The following RBM42 variants were observed in gnomAD, a reference collection of about 807,000 sequenced individuals.
RBM42 encodes RNA binding motif protein 42.
Under a neutral mutation model 41.4 loss-of-function variants are expected in RBM42, and 21 were observed. That is an observed-to-expected ratio of 0.51 (90% CI 0.36 to 0.73). The LOEUF (loss-of-function observed/expected upper bound fraction) is 0.73, where lower values mean the gene tolerates loss of function less well. Ranked by LOEUF, RBM42 falls within the 30% of genes least tolerant of loss-of-function variation. The pLI is 0.00. For synonymous variants in RBM42, 272 were observed against 271.2 expected (o/e 1.00, Z -0.03); for missense variants, 539 against 680.4 (o/e 0.79, Z 2.31).
chr19:35,633,597 C>G (rs1303487875), intron 6 of RBM42, 90 bp from the exon 7 acceptor site: 2 of 1,298,866 alleles, frequency 1.5e-6, no homozygotes, highest in Non-Finnish European at 2.0e-6. Flanking sequence ...TCTCTGGCCC[C>G]CAGGCCCTTT....
intron 6 of RBM42, 29 bp from the exon 7 acceptor site, chr19:35,633,658 C>A: frequency 7.1e-7 from 1 of 1,402,206 alleles, no homozygotes; most frequent in Non-Finnish European, 9.3e-7. Context: ...TGTGAGCCGG[C>A]CCCCCTCATG....
At chr19:35,634,719 C>T (rs955035591) in intron 8 of RBM42, among the ~76,000 whole-genome samples, 3 of 147,146 alleles carry the variant, frequency 2.0e-5, no homozygotes, top group Non-Finnish European at 4.5e-5. Flanking sequence ...AGTGCAGTGG[C>T]GCAATCTTGG....
At chr19:35,634,656 A>ATTTT (rs74276917) in intron 8 of RBM42, among the ~76,000 whole-genome samples, 5 of 139,886 alleles carry the variant, frequency 3.6e-5, no homozygotes, top group African/African-American at 1.1e-4. Flanking sequence ...TAGGATAAAA[A>ATTTT]TTTTTTTTTT....
In RBM42 at chr19:35,634,034, T is replaced by G. The variant is rs1324417179; in HGVS notation, c.1017+15T>G. ...TGGCTCTTGAGGTAAGCAGGGAGCC[T>G]AGCGGTGAAGGGACAGAAGGGACGG... On this transcript the variant is annotated intron_variant, in intron 7 of 9. Coordinates refer to ENST00000262633, the MANE Select transcript of RBM42 (RefSeq NM_024321.5). 1.3e-6 allele frequency: 2 copies of G among 1,483,670 alleles called. No homozygotes were observed. The highest frequency in any genetic ancestry group is 1.8e-6 in the Non-Finnish European group (2 of 1,121,166). The allele number at this position is 1,483,670 out of a possible 1,614,324, so 91.9% of individuals were successfully genotyped here.
Position 35,629,095 on chromosome 19 carries a change from G to A in RBM42, c.-59G>A. On this transcript the variant is annotated 5_prime_UTR_variant, in exon 1 of 10. Coordinates refer to ENST00000262633, the MANE Select transcript of RBM42 (RefSeq NM_024321.5). ...GGACGAAGGGGGAGAGTAGACAGCA[G>A]AACCAGCGGCGGCGGCTAAGCAGAG... is the stretch of plus-strand genomic sequence containing the variant. 1 of 1,479,998 alleles carries A rather than the reference G, an allele frequency of 6.8e-7. No individual in the cohort carries two copies. Among genetic ancestry groups the A allele is most frequent in the Non-Finnish European group, 8.9e-7 (1 of 1,119,082 alleles). The allele number at this position is 1,479,998 out of a possible 1,614,324, so 91.7% of individuals were successfully genotyped here.
chr19:35,632,646 A>G (rs1041486641), intron 4 of RBM42, among the ~76,000 whole-genome samples: 2 of 151,698 alleles, frequency 1.3e-5, no homozygotes, highest in Admixed American at 6.6e-5. Context: ...TTCTCTAGTG[A>G]TGTCTCCATT....
rs568542924 is a variant in RBM42 at position 35,632,255 on chromosome 19, A to G, written c.443-681A>G. 1.3e-3 allele frequency among the ~76,000 whole-genome samples: 195 copies of G among 152,100 alleles called. 2 individuals carry two copies. Among genetic ancestry groups the G allele is most frequent in the African/African-American group, 4.5e-3 (188 of 41,484 alleles). ...ACCTACTTCCCCTGCCCAGCTTCCA[A>G]CCCTGCTGTGGCTCCCCAGTGCCCT... On this transcript the variant is annotated intron_variant, in intron 4 of 9. Coordinates refer to ENST00000262633, the MANE Select transcript of RBM42 (RefSeq NM_024321.5).
At chr19:35,630,679 T>C (rs1967389856) in intron 2 of RBM42, among the ~76,000 whole-genome samples, 1 of 152,024 alleles carries the variant, frequency 6.6e-6, no homozygotes, top group Non-Finnish European at 1.5e-5. Flanking sequence ...GGCAGGAATA[T>C]CACTTGAACC....
intron 8 of RBM42, among the ~76,000 whole-genome samples, chr19:35,634,785 A>G (rs1967468270): frequency 6.6e-6 from 1 of 151,276 alleles, no homozygotes; most frequent in African/African-American, 2.4e-5. Flanking sequence ...CAGCCTCCCA[A>G]AGTGCTGGGA....
chr19:35,630,312 C>CAA (rs35545845), intron 2 of RBM42, among the ~76,000 whole-genome samples: 5 of 107,882 alleles, frequency 4.6e-5, no homozygotes, highest in Admixed American at 9.5e-5. Context: ...GACTCCGTCT[C>CAA]AAAAAAAAAA....
At position 35,637,165 on chromosome 19, in the gene RBM42, C is replaced by T. The variant is rs759587823; in HGVS notation, c.1143C>T (p.Phe381=). ...PSLLEWDADD[F]RIFCGDLGNE... Reference sequence around the variant, plus strand: ...TCTCTTCCCCATCCCCAGATGACTTCCGGATCTTCTGTGGGGATCTGGGCA... The same window carrying T: ...TCTCTTCCCCATCCCCAGATGACTTTCGGATCTTCTGTGGGGATCTGGGCA... Residue 381 remains phenylalanine, a synonymous_variant, in exon 9 of 10, where the codon TTC becomes TTT. Coordinates refer to ENST00000262633, the MANE Select transcript of RBM42 (RefSeq NM_024321.5). The surrounding 1 kb of genome is among the most constrained non-coding windows in gnomAD (Gnocchi z 7.0). 6.2e-7 allele frequency: 1 copy of T among 1,613,052 alleles called. No individual in the cohort carries two copies.
At chr19:35,632,434 T>C (rs1249285610) in intron 4 of RBM42, among the ~76,000 whole-genome samples, 2 of 152,246 alleles carry the variant, frequency 1.3e-5, no homozygotes, top group Non-Finnish European at 2.9e-5. Flanking sequence ...GGAAAGGTTT[T>C]GCTTATAAAT....
At chr19:35,632,446 T>C (rs1967422373) in intron 4 of RBM42, among the ~76,000 whole-genome samples, 3 of 152,214 alleles carry the variant, frequency 2.0e-5, no homozygotes, top group South Asian at 4.1e-4. Context: ...CTTATAAATA[T>C]TCTTCCTGCC....
At position 35,633,678 on chromosome 19, in the gene RBM42, T is replaced by G. The variant is rs2146351445; in HGVS notation, c.685-9T>G. ...GCCGGCCCCCCTCATGCTCTCCTCT[T>G]ACCCACAGGAAGAGCCAGCAGCACC... On this transcript the variant is annotated splice_polypyrimidine_tract_variant and intron_variant, in intron 6 of 9. Coordinates refer to ENST00000262633, the MANE Select transcript of RBM42 (RefSeq NM_024321.5). 2.8e-6 allele frequency: 4 copies of G among 1,441,314 alleles called. No individual in the cohort carries two copies. The highest frequency in any genetic ancestry group is 2.7e-5 in the East Asian group (1 of 37,462). 89.3% of individuals were successfully genotyped at this position (1,441,314 alleles called of 1,614,324 possible). A position where few individuals can be genotyped will look rare whatever the true frequency, so the allele number is the denominator to read the frequency against.
chr19:35,629,737 G>A (rs1967371921), intron 2 of RBM42, 64 bp downstream of exon 2: 3 of 1,555,976 alleles, frequency 1.9e-6, no homozygotes, highest in South Asian at 2.3e-5. Flanking sequence ...AGGTGTTTGT[G>A]TACAGAGAGC....
intron 4 of RBM42, among the ~76,000 whole-genome samples, chr19:35,632,191 CTTACTT>C (rs1304161262): frequency 6.6e-6 from 1 of 152,166 alleles, no homozygotes; most frequent in Non-Finnish European, 1.5e-5. Context: ...TGTAATGTCT[CTTACTT>C]TTTAGTATGG....
chr19:35,629,499 A>T (rs2146347710), intron 1 of RBM42, 21 bp from the exon 2 acceptor site: 7 of 1,613,396 alleles, frequency 4.3e-6, no homozygotes, highest in Non-Finnish European at 5.9e-6. Flanking sequence ...CTGAGCGCTG[A>T]TGTCTGTTCT....
intron 2 of RBM42, 93 bp from the exon 3 acceptor site, chr19:35,631,047 C>G: frequency 8.8e-7 from 1 of 1,142,382 alleles, no homozygotes; most frequent in Non-Finnish European, 1.3e-6. Flanking sequence ...ATACAGAGCA[C>G]AAAGCATGAA....
At position 35,637,321 on chromosome 19, in the gene RBM42, C is replaced by T. The variant is rs745351502; in HGVS notation, c.1299C>T (p.Ser433=). ...GCTTCGTCAGCTTCAAGGACCCCAG[C>T]GACTACGTGCGCGCCATGCGTGAGA... ...GYGFVSFKDP[S]DYVRAMREMN... The change falls in exon 9 of 10, where the codon AGC becomes AGT. Residue 433 remains serine (S), a synonymous_variant. Coordinates refer to ENST00000262633, the MANE Select transcript of RBM42 (RefSeq NM_024321.5). This position sits in a 1 kb window ranked among gnomAD's most constrained non-coding sequence, Gnocchi z 7.0. 5.6e-6 allele frequency: 9 copies of T among 1,614,108 alleles called. No homozygotes were observed. The Admixed American group carries it at 6.7e-5, about 12-fold the overall frequency.
Sources: allele counts gnomAD v4.1 joint callset (sites outside exome capture counted in the v4.1 genomes callset), GRCh38; gene constraint gnomAD v4.1.1; non-coding constraint Gnocchi (gnomAD v3.1); transcripts MANE v1.5; gene names NCBI Gene and HGNC (gene_info 2026-07-23, HGNC 2026-07-21).